Variants in FOXP1 observed in about 807,000 individuals in gnomAD.
The protein encoded by FOXP1 is forkhead box P1.
In FOXP1, 15 loss-of-function variants were observed where a neutral mutation model predicts 98.2. That is an observed-to-expected ratio of 0.15 (90% confidence interval 0.10 to 0.24). The LOEUF (loss-of-function observed/expected upper bound fraction) is 0.24. Among genes scored for constraint, FOXP1 ranks in the 10% least tolerant of loss-of-function variants. The pLI is 1.00. For synonymous variants in FOXP1, 371 were observed against 314.5 expected, an observed-to-expected ratio of 1.18 and a Z score of -1.90; for missense variants, 633 against 848.5, an observed-to-expected ratio of 0.75 and a Z score of 3.15.
At chr3:71,300,037 T>C (rs1403322919) in intron 4 of FOXP1, among the ~76,000 whole-genome samples, 157 bp from the exon 5 acceptor site, 2 of 152,232 alleles carry the variant, frequency 1.3e-5, no homozygotes, top group Non-Finnish European at 2.9e-5. Context: ...AATCTCTACT[T>C]ATCTGGACCA....
chr3:71,011,398 T>G (rs562370335), intron 12 of FOXP1, among the ~76,000 whole-genome samples: 1 of 152,188 alleles, frequency 6.6e-6, no homozygotes, highest in East Asian at 1.9e-4. Context: ...TTTCTGGGGC[T>G]ACATGGAAAG....
intron 2 of FOXP1, among the ~76,000 whole-genome samples, chr3:71,577,882 T>G (rs973185375): frequency 9.9e-5 from 15 of 152,100 alleles, no homozygotes; most frequent in Non-Finnish European, 2.1e-4. Context: ...CTTGAGGTTA[T>G]TTTCTTTAGA....
chr3:71,024,459 G>C (rs2045854551), intron 11 of FOXP1, among the ~76,000 whole-genome samples: 1 of 152,178 alleles, frequency 6.6e-6, no homozygotes, highest in South Asian at 2.1e-4. Flanking sequence ...CCCACAAAGA[G>C]AAGGGTGTTT....
intron 3 of FOXP1, among the ~76,000 whole-genome samples, chr3:71,375,188 T>C (rs561908374): frequency 6.6e-6 from 1 of 151,900 alleles, no homozygotes; most frequent in African/African-American, 2.4e-5. Context: ...GGGTAGGGGG[T>C]TGGGAGGAAA....
In FOXP1 at chr3:71,096,764, C is replaced by T. The variant is rs112724300; in HGVS notation, c.282+15772G>A. ...TATATTATGAAAATATTCAGAAGGA[C>T]GAGAGTAAAGTGTCTTGAAAGGGTA... On this transcript the variant is annotated intron_variant, in intron 7 of 20. Transcript: ENST00000649528. 1.1e-4 allele frequency among the ~76,000 whole-genome samples: 16 copies of T among 152,210 alleles called. 1 individual carries two copies. The South Asian group carries it at 1.5e-3, about 14-fold the overall frequency.
chr3:71,492,842 A>C (rs899330429), intron 3 of FOXP1, among the ~76,000 whole-genome samples: 2 of 152,212 alleles, frequency 1.3e-5, no homozygotes, highest in Non-Finnish European at 2.9e-5. Context: ...AAACACACTT[A>C]GAGAAAAATA....
rs886058841 is a variant in FOXP1 at position 70,957,390 on chromosome 3, T to C, written c.*1857A>G. On this transcript the variant is annotated 3_prime_UTR_variant, in exon 21 of 21. Transcript: ENST00000649528. ...AGCAGTTCTCTTTCTCAGGTTGCAATAGCCTATCGCTTGTCATTTGCCTCT... is the reference window on the plus strand; with the variant it reads ...AGCAGTTCTCTTTCTCAGGTTGCAACAGCCTATCGCTTGTCATTTGCCTCT... 23 of 228,660 alleles carry C rather than the reference T, an allele frequency of 1.0e-4. No individual in the cohort carries two copies. In the East Asian group the frequency reaches 1.3e-3, roughly 13 times the overall value. The allele number at this position is 228,660 out of a possible 1,614,324, so 14.2% of individuals were successfully genotyped here.
chr3:71,235,569 C>CT lies in FOXP1; in HGVS notation c.-11-37178dup, dbSNP rs879360081. Among the ~76,000 whole-genome samples the CT allele has an allele frequency of 1.6e-3, 232 of 149,484 alleles. 1 individual carries two copies. The highest frequency in any genetic ancestry group is 5.2e-3 in the African/African-American group (211 of 40,788). ...TGATGTACATTCATAGAATGTTTCT[C>CT]TTTTTTTTTTCTCTTGAAATGGAGT... On this transcript the variant is annotated intron_variant, in intron 5 of 20. Coordinates refer to ENST00000649528, the MANE Select transcript of FOXP1 (RefSeq NM_001349338.3).
intron 2 of FOXP1, among the ~76,000 whole-genome samples, chr3:71,540,390 G>T (rs912959593): frequency 6.6e-6 from 1 of 152,198 alleles, no homozygotes; most frequent in African/African-American, 2.4e-5. Flanking sequence ...AAGAGTGAAG[G>T]GGGGACAAGA....
chr3:71,387,865 A>C (rs916499163), intron 3 of FOXP1, among the ~76,000 whole-genome samples: 1 of 152,206 alleles, frequency 6.6e-6, no homozygotes, highest in Non-Finnish European at 1.5e-5. Flanking sequence ...TATTGAAAAA[A>C]AGTTTGTAAC....
intron 2 of FOXP1, among the ~76,000 whole-genome samples, chr3:71,521,148 AG>A (rs2042954253): frequency 6.6e-6 from 1 of 151,980 alleles, no homozygotes; most frequent in South Asian, 2.1e-4. Flanking sequence ...GATAGCAGCA[AG>A]GAAAGCTCCT....
intron 6 of FOXP1, among the ~76,000 whole-genome samples, chr3:71,181,767 T>TCA (rs1314179204): frequency 6.6e-6 from 1 of 152,078 alleles, no homozygotes; most frequent in Non-Finnish European, 1.5e-5. Context: ...GCGCGGTGGC[T>TCA]CACGCCTGTA....
chr3:71,382,831 C>T (rs761961904), intron 3 of FOXP1, among the ~76,000 whole-genome samples: 2 of 152,182 alleles, frequency 1.3e-5, no homozygotes, highest in Non-Finnish European at 2.9e-5. Context: ...AGGATAACAT[C>T]TTCTAATCCT....
intron 20 of FOXP1, 116 bp downstream of exon 20, chr3:70,965,774 G>T: frequency 9.0e-7 from 1 of 1,108,870 alleles, no homozygotes; most frequent in East Asian, 2.4e-5. Context: ...CTTGGTTCTG[G>T]GAAATCAGAA....
intron 7 of FOXP1, among the ~76,000 whole-genome samples, chr3:71,084,862 G>A (rs1450973498): frequency 2.0e-5 from 3 of 152,140 alleles, no homozygotes; most frequent in African/African-American, 7.2e-5. Context: ...GCAAGACCCC[G>A]TCTCTACTAA....
chr3:71,238,998 C>A (rs569087516), intron 5 of FOXP1, among the ~76,000 whole-genome samples: 2 of 152,250 alleles, frequency 1.3e-5, no homozygotes, highest in Admixed American at 1.3e-4. Flanking sequence ...TTCTTCAATA[C>A]CTACTTATGT....
intron 4 of FOXP1, among the ~76,000 whole-genome samples, chr3:71,303,602 A>G (rs1284344627): frequency 6.6e-6 from 1 of 152,214 alleles, no homozygotes; most frequent in Admixed American, 6.5e-5. Context: ...AAGGACATCA[A>G]CATATATTTG....
At chr3:71,343,802 T>G (rs2077158404) in intron 4 of FOXP1, among the ~76,000 whole-genome samples, 1 of 152,210 alleles carries the variant, frequency 6.6e-6, no homozygotes, top group South Asian at 2.1e-4. Context: ...GTGCTGGGAT[T>G]ACAGGCATTG....
At chr3:71,045,088 G>C (rs907689296) in intron 10 of FOXP1, among the ~76,000 whole-genome samples, 1 of 152,158 alleles carries the variant, frequency 6.6e-6, no homozygotes, top group Non-Finnish European at 1.5e-5. Context: ...TCACTTTACT[G>C]CAAGAACCTG....
Sources: gnomAD v4.1 joint callset for allele counts (sites outside exome capture counted in the v4.1 genomes callset) on GRCh38, gnomAD v4.1.1 for gene constraint, MANE v1.5 for transcripts, NCBI Gene and HGNC (gene_info 2026-07-23, HGNC 2026-07-21) for gene names.